The following FOXP1 variants were observed in gnomAD, a reference collection of about 807,000 sequenced individuals.
The protein encoded by FOXP1 is forkhead box P1, also known as forkhead box protein P1.
Under a neutral mutation model 98.2 loss-of-function variants are expected in FOXP1, and 15 were observed. The ratio of observed to expected loss-of-function variants is 0.15; its 90% CI spans 0.10 to 0.24. The LOEUF is 0.24. FOXP1 is among the 10% of genes least tolerant of loss of function. FOXP1 has a pLI of 1.00. For missense variants in FOXP1, 633 were observed against 848.5 expected (o/e 0.75, Z 3.15); for synonymous variants, 371 against 314.5 (o/e 1.18, Z -1.90).
intron 11 of FOXP1, among the ~76,000 whole-genome samples, chr3:71,028,467 G>A (rs1238360264): frequency 6.6e-6 from 1 of 152,172 alleles, no homozygotes; most frequent in Admixed American, 6.5e-5. Flanking sequence ...TTCCTCCAGG[G>A]GGATTCTGAG....
chr3:71,275,304 T>G (rs1016181283), intron 5 of FOXP1, among the ~76,000 whole-genome samples: 1 of 152,200 alleles, frequency 6.6e-6, no homozygotes, highest in African/African-American at 2.4e-5. Flanking sequence ...AATTCCCTCC[T>G]GACAGACATT....
At chr3:71,327,179 C>T (rs1226419990) in intron 4 of FOXP1, among the ~76,000 whole-genome samples, 3 of 151,442 alleles carry the variant, frequency 2.0e-5, no homozygotes, top group Admixed American at 1.3e-4. Flanking sequence ...AGAAAAGATA[C>T]CTTCAGAAAT....
chr3:70,994,072 G>T (rs539051918), intron 13 of FOXP1, among the ~76,000 whole-genome samples: 2 of 151,926 alleles, frequency 1.3e-5, no homozygotes, highest in South Asian at 4.2e-4. Flanking sequence ...AAGGAAATAG[G>T]GTGGTGTGTA....
chr3:71,018,020 G>T (rs1054861571), intron 11 of FOXP1, among the ~76,000 whole-genome samples: 1 of 152,216 alleles, frequency 6.6e-6, no homozygotes, highest in Non-Finnish European at 1.5e-5. Flanking sequence ...GTTAAGAACT[G>T]TAAGTGGTTA....
intron 2 of FOXP1, among the ~76,000 whole-genome samples, chr3:71,503,146 A>G (rs2041531513): frequency 6.6e-6 from 1 of 152,212 alleles, no homozygotes; most frequent in Non-Finnish European, 1.5e-5. Context: ...TGCTGTTTAC[A>G]TAGAGGCATC....
intron 2 of FOXP1, among the ~76,000 whole-genome samples, chr3:71,518,670 G>A (rs938043914): frequency 1.3e-5 from 2 of 152,150 alleles, no homozygotes; most frequent in East Asian, 1.9e-4. Context: ...AAGAACAAAG[G>A]GTGTCTGAAA....
intron 11 of FOXP1, among the ~76,000 whole-genome samples, chr3:71,020,711 G>A (rs2045303110): frequency 6.6e-6 from 1 of 152,168 alleles, no homozygotes; most frequent in Admixed American, 6.5e-5. Context: ...TTCACCTGAA[G>A]GCAGATTCCG....
At position 70,985,127 on chromosome 3, in the gene FOXP1, G is replaced by T. The variant is rs1208206395; in HGVS notation, c.1146+2867C>A. Among the ~76,000 whole-genome samples the T allele has an allele frequency of 5.9e-5, 9 of 152,118 alleles. No individual in the cohort carries two copies. The South Asian group carries it at 1.5e-3, about 25-fold the overall frequency. On this transcript the variant is annotated intron_variant, in intron 14 of 20. Transcript: ENST00000649528. ...TACACAGAAATGGAAAAAAGAAAAA[G>T]CTTCATGAACTTACTGGCAAGGTTG...
At chr3:71,492,255 C>A (rs1402605040) in intron 3 of FOXP1, among the ~76,000 whole-genome samples, 2 of 152,030 alleles carry the variant, frequency 1.3e-5, no homozygotes, top group African/African-American at 2.4e-5. Flanking sequence ...AGTTTGAGAC[C>A]AGCCTGGCCA....
At chr3:71,340,824 T>C (rs1429054310) in intron 4 of FOXP1, among the ~76,000 whole-genome samples, 2 of 152,246 alleles carry the variant, frequency 1.3e-5, no homozygotes, top group South Asian at 2.1e-4. Flanking sequence ...AGGGAGCCAC[T>C]ATAAAACTAA....
chr3:71,445,961 TAC>T (rs370336307), intron 3 of FOXP1, among the ~76,000 whole-genome samples: 3 of 152,298 alleles, frequency 2.0e-5, no homozygotes, highest in Middle Eastern at 3.4e-3. Context: ...TGCTGGGAAT[TAC>T]AGGTGTGAGC....
At chr3:71,549,898 A>G (rs1326856626) in intron 2 of FOXP1, among the ~76,000 whole-genome samples, 1 of 150,266 alleles carries the variant, frequency 6.7e-6, no homozygotes, top group Non-Finnish European at 1.5e-5. Context: ...GCTCTCTGGT[A>G]AACTTTTAAT....
In FOXP1 at chr3:70,958,494, C is replaced by T. The variant is rs2032395850; in HGVS notation, c.*753G>A. ...GGAATGAGTGACAGAAAGCTACAAA[C>T]GAGAAATGACATTCAGCTTTGTATA... On this transcript the variant is annotated 3_prime_UTR_variant, in exon 21 of 21. Coordinates refer to ENST00000649528, the MANE Select transcript of FOXP1 (RefSeq NM_001349338.3). The T allele has an allele frequency of 1.3e-5, 5 of 382,060 alleles. No individual in the cohort carries two copies. The highest frequency in any genetic ancestry group is 7.3e-5 in the Admixed American group (2 of 27,480). 23.7% of individuals were successfully genotyped at this position (382,060 alleles called of 1,614,324 possible).
intron 4 of FOXP1, among the ~76,000 whole-genome samples, chr3:71,319,745 T>C (rs903174723): frequency 7.2e-5 from 11 of 152,122 alleles, no homozygotes; most frequent in Admixed American, 7.2e-4. Context: ...TCCCTTCTTC[T>C]CAAACAGTTC....
chr3:71,347,301 A>G (rs540005950), intron 4 of FOXP1, among the ~76,000 whole-genome samples: 183 of 152,320 alleles, frequency 1.2e-3, no homozygotes, highest in Admixed American at 3.8e-3. Flanking sequence ...ACCTTTGAAC[A>G]ACCAGCCATA....
intron 7 of FOXP1, among the ~76,000 whole-genome samples, chr3:71,065,238 C>T (rs1039849109): frequency 6.6e-6 from 1 of 152,006 alleles, no homozygotes; most frequent in Non-Finnish European, 1.5e-5. Context: ...GCGCACCGCT[C>T]CCTCTGGCCG....
At chr3:71,328,960 A>C (rs375654757) in intron 4 of FOXP1, among the ~76,000 whole-genome samples, 3 of 137,204 alleles carry the variant, frequency 2.2e-5, no homozygotes, top group African/African-American at 5.3e-5. Flanking sequence ...AACAAGAGCG[A>C]AACTCCATCT....
At chr3:71,544,326 T>C (rs1203641010) in intron 2 of FOXP1, among the ~76,000 whole-genome samples, 1 of 150,504 alleles carries the variant, frequency 6.6e-6, no homozygotes, top group Non-Finnish European at 1.5e-5. Flanking sequence ...CAATTACATA[T>C]ATTTCCACTT....
intron 2 of FOXP1, among the ~76,000 whole-genome samples, chr3:71,553,351 T>C (rs1313446465): frequency 2.6e-5 from 4 of 152,198 alleles, no homozygotes; most frequent in Non-Finnish European, 4.4e-5. Flanking sequence ...ATTTGGATGC[T>C]GCAAAATTGT....
Sources: allele counts gnomAD v4.1 joint callset (sites outside exome capture counted in the v4.1 genomes callset), GRCh38; gene constraint gnomAD v4.1.1; transcripts MANE v1.5; gene names NCBI Gene and HGNC (gene_info 2026-07-23, HGNC 2026-07-21).